Variants in TULP4 observed in about 807,000 individuals in gnomAD.
TULP4 encodes the protein TUB like protein 4, also known as tubby-related protein 4.
In TULP4, 16 loss-of-function variants were observed where a neutral mutation model predicts 129.0. The observed-to-expected ratio is 0.12, with a 90% CI of 0.08 to 0.19. The LOEUF (loss-of-function observed/expected upper bound fraction) is 0.19, where lower values mean the gene tolerates loss of function less well. TULP4 is among the 10% of genes least tolerant of loss of function. TULP4 has a pLI of 1.00. For synonymous variants in TULP4, 998 were observed against 854.0 expected (o/e 1.17, Z -2.94); for missense variants, 1,842 against 2,059.1 (o/e 0.89, Z 2.04).
intron 1 of TULP4, among the ~76,000 whole-genome samples, chr6:158,382,091 C>G (rs532461193): frequency 6.6e-6 from 1 of 152,194 alleles, no homozygotes; most frequent in South Asian, 2.1e-4. Context: ...AGGTGCATTG[C>G]TTTGGCTTGA....
Position 158,360,955 on chromosome 6 carries a change from G to T in TULP4, c.252+46687G>T, listed in dbSNP as rs1780773664. On this transcript the variant is annotated intron_variant, in intron 1 of 13. Transcript: ENST00000367097. ...ACTTAGGTCTCCAATTTTGCTATTT[G>T]TTTTCTGTTTATCTCCTTATTTTGT... Among the ~76,000 whole-genome samples, 4 of 152,042 alleles carry T rather than the reference G, an allele frequency of 2.6e-5. No homozygotes were observed. In the South Asian group the frequency reaches 8.3e-4, roughly 32 times the overall value.
At chr6:158,240,949 T>A (rs1208043566) in intron 1 of TULP4, among the ~76,000 whole-genome samples, 3 of 135,050 alleles carry the variant, frequency 2.2e-5, no homozygotes, top group African/African-American at 8.2e-5. Context: ...CACTTCTCAG[T>A]CAGGGCAGCT....
intron 1 of TULP4, among the ~76,000 whole-genome samples, chr6:158,378,802 G>A (rs1313196379): frequency 6.6e-6 from 1 of 152,102 alleles, no homozygotes; most frequent in East Asian, 1.9e-4. Flanking sequence ...CCAGTTTTGA[G>A]GGGAAGATAA....
intron 6 of TULP4, among the ~76,000 whole-genome samples, chr6:158,474,609 A>G (rs1385014814): frequency 2.0e-5 from 3 of 152,132 alleles, no homozygotes; most frequent in Non-Finnish European, 2.9e-5. Context: ...CTCTCGCTCA[A>G]CACTGTTTTT....
At position 158,510,391 on chromosome 6, in the gene TULP4, C is replaced by T. The variant is rs774711885; in HGVS notation, c.*3697C>T. The T allele has an allele frequency of 3.3e-5, 5 of 152,182 alleles. No homozygotes were observed. Among genetic ancestry groups the T allele is most frequent in the Non-Finnish European group, 7.3e-5 (5 of 68,042 alleles). The allele number at this position is 152,182 out of a possible 1,614,324, so 9.4% of individuals were successfully genotyped here. On this transcript the variant is annotated 3_prime_UTR_variant, in exon 14 of 14. Transcript: ENST00000367097. ...GGTTGGATGGTGACCTTGGGCAAGT[C>T]CCTGGGGCTGGCTAGGCCTCCACTT...
chr6:158,379,613 A>G (rs1480590389), intron 1 of TULP4, among the ~76,000 whole-genome samples: 1 of 152,188 alleles, frequency 6.6e-6, no homozygotes, highest in Non-Finnish European at 1.5e-5. Context: ...TAACCTCAAC[A>G]ACTGTATCAG....
chr6:158,335,288 A>C (rs909131400), intron 1 of TULP4, among the ~76,000 whole-genome samples: 1 of 151,992 alleles, frequency 6.6e-6, no homozygotes, highest in Non-Finnish European at 1.5e-5. Context: ...AAAAAAAAAA[A>C]AAAAATTTTT....
chr6:158,386,019 A>AT (rs982207491), intron 1 of TULP4, among the ~76,000 whole-genome samples: 38 of 151,484 alleles, frequency 2.5e-4, no homozygotes, highest in Non-Finnish European at 3.7e-4. Context: ...TAATTTTTAA[A>AT]TTTTTTGTAG....
intron 1 of TULP4, among the ~76,000 whole-genome samples, chr6:158,365,328 G>C (rs189133642): frequency 6.6e-6 from 1 of 151,520 alleles, no homozygotes; most frequent in African/African-American, 2.4e-5. Flanking sequence ...CCCATCTACT[G>C]ACCATATATT....
intron 1 of TULP4, among the ~76,000 whole-genome samples, chr6:158,248,000 C>CTATA (rs1183308440): frequency 2.0e-5 from 3 of 152,148 alleles, no homozygotes; most frequent in Non-Finnish European, 4.4e-5. Context: ...ATATCAAGAC[C>CTATA]TATATCATAA....
chr6:158,245,568 T>C (rs1277082403), intron 1 of TULP4, among the ~76,000 whole-genome samples: 1 of 152,182 alleles, frequency 6.6e-6, no homozygotes, highest in Non-Finnish European at 1.5e-5. Context: ...CATAGCCTTC[T>C]ACCCAGAAAG....
Position 158,429,903 on chromosome 6 carries a change from A to G in TULP4, c.543+6A>G. ...GGACTCCTGACGACCAACAGGTAAC[A>G]CTTCTGAAATGTGGTGGGTGTGTGA... is the stretch of plus-strand genomic sequence containing the variant. On this transcript the variant is annotated splice_donor_region_variant and intron_variant, in intron 3 of 13. Coordinates refer to ENST00000367097, the MANE Select transcript of TULP4 (RefSeq NM_020245.5). 1.9e-6 allele frequency: 3 copies of G among 1,613,356 alleles called. No homozygotes were observed. Among genetic ancestry groups the G allele is most frequent in the South Asian group, 2.2e-5 (2 of 90,908 alleles).
intron 1 of TULP4, among the ~76,000 whole-genome samples, chr6:158,299,010 G>A (rs543183598): frequency 5.9e-5 from 9 of 152,290 alleles, no homozygotes; most frequent in African/African-American, 1.7e-4. Flanking sequence ...TGCAAGGGGC[G>A]GTAGTGGGGA....
chr6:158,462,300 C>G (rs534134071), intron 6 of TULP4, among the ~76,000 whole-genome samples: 2 of 151,706 alleles, frequency 1.3e-5, no homozygotes, highest in African/African-American at 4.8e-5. Context: ...TTTTTTAAGT[C>G]TCCAGAAGTC....
chr6:158,489,352 C>T (rs1780143527), intron 8 of TULP4, among the ~76,000 whole-genome samples: 1 of 152,226 alleles, frequency 6.6e-6, no homozygotes, highest in Non-Finnish European at 1.5e-5. Flanking sequence ...CTATTTCGTA[C>T]ATTCCTAGAA....
At chr6:158,360,126 GA>G (rs566077497) in intron 1 of TULP4, among the ~76,000 whole-genome samples, 2,818 of 144,738 alleles carry the variant, frequency 0.019, 87 homozygotes, top group African/African-American at 0.065. Flanking sequence ...AACAAACAAG[GA>G]AAAAAAAAAA....
At chr6:158,281,851 C>A (rs1281457692), upstream of TULP4, among the ~76,000 whole-genome samples, 2 of 152,186 alleles carry the variant, frequency 1.3e-5, no homozygotes, top group East Asian at 3.9e-4. Context: ...TCTGATGACT[C>A]TTCCGTAGTG....
intron 1 of TULP4, among the ~76,000 whole-genome samples, chr6:158,251,250 G>A (rs907309621): frequency 6.6e-6 from 1 of 152,170 alleles, no homozygotes; most frequent in Non-Finnish European, 1.5e-5. Context: ...TTGAAAGATT[G>A]TTAATCAGCT....
intron 1 of TULP4, among the ~76,000 whole-genome samples, chr6:158,391,328 A>C (rs1196999672): frequency 6.6e-6 from 1 of 152,164 alleles, no homozygotes; most frequent in African/African-American, 2.4e-5. Context: ...GTATATAGCA[A>C]AGTCATTAGC....
Sources: allele counts gnomAD v4.1 joint callset (sites outside exome capture counted in the v4.1 genomes callset), GRCh38; gene constraint gnomAD v4.1.1; transcripts MANE v1.5; gene names NCBI Gene and HGNC (gene_info 2026-07-23, HGNC 2026-07-21).